Variants in CLCN7 observed in about 807,000 individuals in gnomAD.
The protein encoded by CLCN7 is Cl-/H+ antiporter 7, also known as H(+)/Cl(-) exchange transporter 7.
Under a neutral mutation model 102.1 loss-of-function variants are expected in CLCN7, and 60 were observed. That is an observed-to-expected ratio of 0.59 (90% CI 0.48 to 0.73). The LOEUF is 0.73. Among genes scored for constraint, CLCN7 ranks in the 30% least tolerant of loss-of-function variants. The pLI, the probability that CLCN7 is intolerant of heterozygous loss-of-function variation, is 0.00. For synonymous variants in CLCN7, 560 were observed against 490.5 expected, an observed-to-expected ratio of 1.14 and a Z score of -1.87; for missense variants, 962 against 1,125.7, an observed-to-expected ratio of 0.85 and a Z score of 2.08.
rs1424694312 is a variant in CLCN7 at position 1,461,689 on chromosome 16, G to T, written c.214-15C>A. On this transcript the variant is annotated splice_polypyrimidine_tract_variant and intron_variant, in intron 2 of 24. Coordinates refer to ENST00000382745, the MANE Select transcript of CLCN7 (RefSeq NM_001287.6). ...GGGTCCATATCCTGTGGCAGAAAAAGGCAAAGAGAGAAGCACAGTTGACAA... is the reference window on the plus strand; with the variant it reads ...GGGTCCATATCCTGTGGCAGAAAAATGCAAAGAGAGAAGCACAGTTGACAA... 3 of 1,612,058 alleles carry T rather than the reference G, an allele frequency of 1.9e-6. No homozygotes were observed. The highest frequency in any genetic ancestry group is 1.1e-5 in the South Asian group (1 of 90,874).
chr16:1,461,659 G>A lies in CLCN7; in HGVS notation c.229C>T (p.His77Tyr). 1 of 1,614,016 alleles carries A rather than the reference G, an allele frequency of 6.2e-7. No individual in the cohort carries two copies. The change falls in exon 3 of 25, where the codon CAT becomes TAT. Residue 77 changes from histidine (H) to tyrosine (Y), a missense_variant. Coordinates refer to ENST00000382745, the MANE Select transcript of CLCN7 (RefSeq NM_001287.6). ...TGTGGGATCTCCTTGGGGAAGGGAT[G>A]TGGAGGGTCCATATCCTGTGGCAGA... ...ELLDPDMDPP[H>Y]PFPKEIPHNE...
At position 1,446,993 on chromosome 16, in the gene CLCN7, C is replaced by T. The variant is rs753577512; in HGVS notation, c.2331+13G>A. The T allele has an allele frequency of 2.4e-5, 38 of 1,570,438 alleles. No homozygotes were observed. The highest frequency in any genetic ancestry group is 9.5e-5 in the East Asian group (4 of 42,314). ...CTGCACGGCATGCCTGCACCCCCACCGCCCCCGCTCACCTGATTGCGGTTG... is the reference window on the plus strand; with the variant it reads ...CTGCACGGCATGCCTGCACCCCCACTGCCCCCGCTCACCTGATTGCGGTTG... On this transcript the variant is annotated intron_variant, in intron 24 of 24. Transcript: ENST00000382745.
intron 9 of CLCN7, among the ~76,000 whole-genome samples, chr16:1,456,930 G>T (rs1275222169): frequency 6.6e-6 from 1 of 152,080 alleles, no homozygotes; most frequent in Non-Finnish European, 1.5e-5. Context: ...GTTCCAAAGT[G>T]TGTCTTGACA....
chr16:1,451,811 G>T (rs954623948), intron 15 of CLCN7, 95 bp from the exon 16 acceptor site: 4 of 1,010,888 alleles, frequency 4.0e-6, no homozygotes, highest in African/African-American at 3.2e-5. Flanking sequence ...CGTGTACCCT[G>T]TGCCTGGCCA....
chr16:1,472,736 T>C (rs2039094180), intron 1 of CLCN7: 1 of 151,608 alleles, frequency 6.6e-6, no homozygotes, highest in South Asian at 2.1e-4. Flanking sequence ...ATTTCTTTAA[T>C]TAAAAAAATT....
At chr16:1,472,878 T>C (rs1320888061) in intron 1 of CLCN7, among the ~76,000 whole-genome samples, 1 of 147,922 alleles carries the variant, frequency 6.8e-6, no homozygotes, top group Non-Finnish European at 1.5e-5. Flanking sequence ...CTCCTCTGCC[T>C]CAGCCTCCCG....
rs371504242 is a variant in CLCN7, at chr16:1,449,585, C to T, written c.1618-258G>A. ...GAGGATGCAGAGGGCACAGTCACCACGCAGCAGCCCAGGCCAACTAGGGAG... is the reference window on the plus strand; with the variant it reads ...GAGGATGCAGAGGGCACAGTCACCATGCAGCAGCCCAGGCCAACTAGGGAG... On this transcript the variant is annotated intron_variant, in intron 17 of 24. Transcript: ENST00000382745. 9.4e-4 allele frequency: 546 copies of T among 579,006 alleles called. 2 individuals carry two copies. The highest frequency in any genetic ancestry group is 5.7e-3 in the African/African-American group (306 of 53,544). 35.9% of individuals were successfully genotyped at this position (579,006 alleles called of 1,614,324 possible). A position where few individuals can be genotyped will look rare whatever the true frequency, so the allele number is the denominator to read the frequency against.
At chr16:1,454,572 GCCTTCCCGCCCTT>G in intron 12 of CLCN7, 107 bp from the exon 13 acceptor site, 1 of 1,086,534 alleles carries the variant, frequency 9.2e-7, no homozygotes. Context: ...CCCACAGAGA[GCCTTCCCGCCCTT>G]CCACGCAGGC....
At position 1,457,861 on chromosome 16, in the gene CLCN7, G is replaced by T; in HGVS notation, c.676-105C>A. On this transcript the variant is annotated intron_variant, in intron 7 of 24. Transcript: ENST00000382745. This position sits in a 1 kb window ranked among gnomAD's most constrained non-coding sequence, Gnocchi z 5.4. ...AGCCCCGATCAGGCAGAGTGGCTGG[G>T]ACACGGGGCCTCCGGGAGGGGGCCA... is the stretch of plus-strand genomic sequence containing the variant. 3 of 1,165,082 alleles carry T rather than the reference G, an allele frequency of 2.6e-6. No individual in the cohort carries two copies. The highest frequency in any genetic ancestry group is 2.5e-6 in the Non-Finnish European group (2 of 787,892). The allele number at this position is 1,165,082 out of a possible 1,614,324, so 72.2% of individuals were successfully genotyped here.
At chr16:1,473,647 A>G (rs531157566) in intron 1 of CLCN7, among the ~76,000 whole-genome samples, 1 of 151,324 alleles carries the variant, frequency 6.6e-6, no homozygotes, top group South Asian at 2.1e-4. Context: ...TGCTGGGATT[A>G]CAGATGTGAG....
intron 4 of CLCN7, among the ~76,000 whole-genome samples, 189 bp downstream of exon 4, chr16:1,461,216 C>T (rs1288658238): frequency 6.6e-6 from 1 of 152,254 alleles, no homozygotes; most frequent in East Asian, 1.9e-4. Context: ...GTAAGAGCAG[C>T]CTTCTTGGTT....
At position 1,455,209 on chromosome 16, in the gene CLCN7, A is replaced by G; in HGVS notation, c.1023T>C (p.Val341=). 1 of 1,613,832 alleles carries G rather than the reference A, an allele frequency of 6.2e-7. No individual in the cohort carries two copies. Among genetic ancestry groups the G allele is most frequent in the Non-Finnish European group, 8.5e-7 (1 of 1,179,852 alleles). ...ACATGTTCCCGTGGTAAATGCTCAG[A>G]ACAAAATTCAGGGTGAACGTGGAGA... ...SMISTFTLNF[V]LSIYHGNMWD... Residue 341 remains valine, a synonymous_variant, in exon 12 of 25, where the codon GTT becomes GTC. Transcript: ENST00000382745.
At chr16:1,461,948 G>A (rs1234726390) in intron 2 of CLCN7, among the ~76,000 whole-genome samples, 3 of 151,994 alleles carry the variant, frequency 2.0e-5, no homozygotes, top group Non-Finnish European at 4.4e-5. Flanking sequence ...AGCTGGGCGT[G>A]GTGGTGGGCG....
chr16:1,456,557 T>C (rs960624329), intron 9 of CLCN7, among the ~76,000 whole-genome samples: 1 of 152,156 alleles, frequency 6.6e-6, no homozygotes, highest in Non-Finnish European at 1.5e-5. Context: ...AATTCACACA[T>C]GGCCGGCGCG....
At chr16:1,460,168 G>C (rs1054308207) in intron 6 of CLCN7, among the ~76,000 whole-genome samples, 1 of 151,956 alleles carries the variant, frequency 6.6e-6, no homozygotes, top group Non-Finnish European at 1.5e-5. Flanking sequence ...AAGGAGGGGC[G>C]GAGTGGGGTG....
Position 1,457,872 on chromosome 16 carries a change from T to A in CLCN7, c.676-116A>T, listed in dbSNP as rs2038863038. The A allele has an allele frequency of 9.8e-6, 10 of 1,022,600 alleles. No individual in the cohort carries two copies. The highest frequency in any genetic ancestry group is 1.5e-5 in the Non-Finnish European group (10 of 665,830). 63.3% of individuals were successfully genotyped at this position (1,022,600 alleles called of 1,614,324 possible). ...GGCAGAGTGGCTGGGACACGGGGCC[T>A]CCGGGAGGGGGCCAGCACCCCCAGG... On this transcript the variant is annotated intron_variant, in intron 7 of 24. Transcript: ENST00000382745. The surrounding 1 kb of genome is among the most constrained non-coding windows in gnomAD (Gnocchi z 5.4).
In CLCN7 at chr16:1,461,596, C is replaced by G. The variant is rs372024516; in HGVS notation, c.285+7G>C. 1.2e-6 allele frequency: 2 copies of G among 1,613,736 alleles called. No individual in the cohort carries two copies. The highest frequency in any genetic ancestry group is 2.2e-5 in the East Asian group (1 of 44,868). On this transcript the variant is annotated splice_region_variant and intron_variant, in intron 3 of 24. Coordinates refer to ENST00000382745, the MANE Select transcript of CLCN7 (RefSeq NM_001287.6). ...TCTCAGGGTCAGGGGGACAGAAGGA[C>G]GCCCACCTCATACTTGAGGGACAGG... is the stretch of plus-strand genomic sequence containing the variant.
At chr16:1,472,675 A>C (rs1416794465) in intron 1 of CLCN7, 1 of 152,136 alleles carries the variant, frequency 6.6e-6, no homozygotes, top group African/African-American at 2.4e-5. Flanking sequence ...CCTAATCTTT[A>C]CCTTTCAGCC....
intron 18 of CLCN7, 43 bp from the exon 19 acceptor site, chr16:1,449,136 C>T (rs752403150): frequency 1.2e-5 from 19 of 1,611,012 alleles, no homozygotes; most frequent in Non-Finnish European, 1.6e-5. Context: ...ACCCTCCTGG[C>T]TCAGGGTCAC....
Sources: gnomAD v4.1 joint callset for allele counts (sites outside exome capture counted in the v4.1 genomes callset) on GRCh38, gnomAD v4.1.1 for gene constraint, Gnocchi (gnomAD v3.1) non-coding constraint, MANE v1.5 for transcripts, NCBI Gene and HGNC (gene_info 2026-07-23, HGNC 2026-07-21) for gene names.